Variants in HOPX observed in about 807,000 individuals in gnomAD.
The protein encoded by HOPX is homeodomain-only protein.
A neutral mutation model predicts 11.8 loss-of-function variants in HOPX; 5 were observed. The observed-to-expected ratio is 0.43, with a 90% CI of 0.22 to 0.89. The LOEUF (loss-of-function observed/expected upper bound fraction) is 0.89, where lower values mean the gene tolerates loss of function less well. Among genes scored for constraint, HOPX ranks in the 40% least tolerant of loss-of-function variants. The pLI is 0.28. For missense variants in HOPX, 119 were observed against 120.0 expected (o/e 0.99, Z 0.04); for synonymous variants, 49 against 49.7 (o/e 0.99, Z 0.06).
At chr4:56,668,976 G>A (rs966068727) in intron 1 of HOPX, among the ~76,000 whole-genome samples, 3 of 152,304 alleles carry the variant, frequency 2.0e-5, no homozygotes, top group African/African-American at 4.8e-5. Context: ...TTGTGATCCA[G>A]TGAGATTATG....
intron 1 of HOPX, among the ~76,000 whole-genome samples, chr4:56,670,639 G>T (rs914416421): frequency 2.0e-5 from 3 of 152,188 alleles, no homozygotes; most frequent in Non-Finnish European, 2.9e-5. Flanking sequence ...TGTATTTGTT[G>T]CACGGAAGAG....
intron 3 of HOPX, chr4:56,650,732 C>T: frequency 6.4e-7 from 1 of 1,551,608 alleles, no homozygotes; most frequent in Non-Finnish European, 8.7e-7. Context: ...CCAAGCACGG[C>T]AGACTATCAT....
At chr4:56,679,569 C>T (rs960963636) in intron 1 of HOPX, 2 of 152,056 alleles carry the variant, frequency 1.3e-5, no homozygotes, top group African/African-American at 4.8e-5. Context: ...CCTCCGCCTC[C>T]CGGGTTCAAG....
intron 3 of HOPX, chr4:56,650,702 TAGAGA>T: frequency 6.4e-7 from 1 of 1,551,698 alleles, no homozygotes; most frequent in Non-Finnish European, 8.7e-7. Flanking sequence ...GGGGCGGCAG[TAGAGA>T]AAAGTAATCG....
chr4:56,655,969 T>C lies in HOPX; in HGVS notation c.86A>G (p.Glu29Gly). Residue 29 changes from glutamate to glycine, a missense_variant, in exon 3 of 4, where the codon GAG becomes GGG. Transcript: ENST00000420433. ...MSAETASGPT[E>G]DQVEILEYNF... ...GTACTCCAGGATTTCCACCTGGTCC[T>C]CTGTGGGGCCGCTCGCGGTCTCCGC... 4 of 1,608,958 alleles carry C rather than the reference T, an allele frequency of 2.5e-6. No homozygotes were observed. The highest frequency in any genetic ancestry group is 3.4e-6 in the Non-Finnish European group (4 of 1,178,048).
At chr4:56,664,342 A>G (rs4865139) in intron 1 of HOPX, 121,253 of 150,524 alleles carry the variant, frequency 0.81, 49,473 homozygotes, top group African/African-American at 0.95. Context: ...TGCCATGTTG[A>G]CCAGGCTGGT....
In HOPX at chr4:56,671,609, G is replaced by A. The variant is rs116790832; in HGVS notation, c.-84+9646C>T. Among the ~76,000 whole-genome samples the A allele has an allele frequency of 2.6e-3, 399 of 152,022 alleles. 7 individuals carry two copies. The highest frequency in any genetic ancestry group is 0.01 in the Middle Eastern group (3 of 294). On this transcript the variant is annotated intron_variant, in intron 1 of 3. Coordinates refer to ENST00000420433, the MANE Select transcript of HOPX (RefSeq NM_032495.6). ...GATATGGACCTGATTTTTTTCCCCA[G>A]TTGAGTGGTTTTTATGAGCAGGTGT... is the stretch of plus-strand genomic sequence containing the variant.
upstream of HOPX, chr4:56,681,601 A>T: frequency 1.0e-6 from 1 of 1,000,100 alleles, no homozygotes; most frequent in Non-Finnish European, 1.2e-6. Flanking sequence ...TGTGGCTGAG[A>T]GAAGACGGGG....
At chr4:56,674,739 CT>C (rs1051878651) in intron 1 of HOPX, among the ~76,000 whole-genome samples, 3 of 150,120 alleles carry the variant, frequency 2.0e-5, no homozygotes, top group African/African-American at 7.6e-5. Context: ...AACTTCTCTA[CT>C]TTTTATTTAT....
intron 1 of HOPX, among the ~76,000 whole-genome samples, chr4:56,670,794 C>G (rs955737415): frequency 6.6e-6 from 1 of 152,032 alleles, no homozygotes; most frequent in African/African-American, 2.4e-5. Flanking sequence ...GTCAGGAGTT[C>G]GAGACCAGCC....
At chr4:56,653,221 T>C (rs932190785) in intron 3 of HOPX, among the ~76,000 whole-genome samples, 1 of 151,932 alleles carries the variant, frequency 6.6e-6, no homozygotes, top group Non-Finnish European at 1.5e-5. Flanking sequence ...TACTTTTTTA[T>C]TTTTTATTTT....
chr4:56,665,965 G>A (rs4074737), intron 1 of HOPX, among the ~76,000 whole-genome samples: 30,184 of 152,086 alleles, frequency 0.2, 3,692 homozygotes, highest in African/African-American at 0.36. Context: ...TGTGGTGAAA[G>A]GGGCAGTAGA....
intron 2 of HOPX, among the ~76,000 whole-genome samples, chr4:56,656,832 T>C (rs1255109392): frequency 6.6e-6 from 1 of 152,152 alleles, no homozygotes; most frequent in African/African-American, 2.4e-5. Context: ...CGGCCTGCAG[T>C]CACCAGGCCA....
At chr4:56,665,900 A>G (rs1158388273) in intron 1 of HOPX, among the ~76,000 whole-genome samples, 1 of 152,158 alleles carries the variant, frequency 6.6e-6, no homozygotes, top group Non-Finnish European at 1.5e-5. Context: ...TCACTACACC[A>G]TCTTTCCTCT....
chr4:56,649,374 G>C (rs1716935268), intron 3 of HOPX: 1 of 152,252 alleles, frequency 6.6e-6, no homozygotes, highest in Admixed American at 6.5e-5. Flanking sequence ...GATCTCTATG[G>C]CTGCTGTATT....
At chr4:56,681,324 A>G, upstream of HOPX, 1 of 985,414 alleles carries the variant, frequency 1.0e-6, no homozygotes, top group African/African-American at 1.7e-5. Context: ...GCCTGCTTAA[A>G]TAGCTGGGCT....
chr4:56,654,573 GGT>G (rs1717500088), intron 3 of HOPX, among the ~76,000 whole-genome samples: 2 of 152,216 alleles, frequency 1.3e-5, no homozygotes, highest in Admixed American at 1.3e-4. Flanking sequence ...TTTAAGTTCT[GGT>G]TCTGGTTGGC....
chr4:56,660,657 AT>A (rs1718065172), intron 1 of HOPX, among the ~76,000 whole-genome samples: 2 of 152,180 alleles, frequency 1.3e-5, no homozygotes, highest in South Asian at 4.1e-4. Flanking sequence ...ATCAAATAAT[AT>A]TTTTGGAAAA....
At chr4:56,676,697 G>A (rs1719033352) in intron 1 of HOPX, 1 of 151,718 alleles carries the variant, frequency 6.6e-6, no homozygotes, top group Non-Finnish European at 1.5e-5. Flanking sequence ...GGCTCCCAGG[G>A]ACTCAAGATG....
Sources: gnomAD v4.1 joint callset for allele counts (sites outside exome capture counted in the v4.1 genomes callset) on GRCh38, gnomAD v4.1.1 for gene constraint, MANE v1.5 for transcripts, NCBI Gene and HGNC (gene_info 2026-07-23, HGNC 2026-07-21) for gene names.